LYPD6: variants seen among roughly 807,000 people sequenced by gnomAD.
LYPD6 encodes ly6/PLAUR domain-containing protein 6.
Under a neutral mutation model 22.7 loss-of-function variants are expected in LYPD6, and 15 were observed. The ratio of observed to expected loss-of-function variants is 0.66; its 90% CI spans 0.44 to 1.02. The LOEUF (loss-of-function observed/expected upper bound fraction) is 1.02, where lower values mean the gene tolerates loss of function less well. Ranked by LOEUF, LYPD6 falls within the 50% of genes least tolerant of loss-of-function variation. The probability of loss-of-function intolerance (pLI) is 0.00; values close to 1 mark genes in which losing one functional copy is unlikely to be tolerated. For synonymous variants in LYPD6, 72 were observed against 77.5 expected (o/e 0.93, Z 0.37); for missense variants, 189 against 208.4 (o/e 0.91, Z 0.57).
At position 149,444,319 on chromosome 2, in the gene LYPD6, C is replaced by T. The variant is rs191894253; in HGVS notation, c.119-4730C>T. Among the ~76,000 whole-genome samples, 10 of 152,220 alleles carry T rather than the reference C, an allele frequency of 6.6e-5. No homozygotes were observed. The East Asian group carries it at 1.5e-3, about 23-fold the overall frequency. ...CCTTTAGTGAGTTACAATCTTTTTGCTGGTGGAGGGTCTTGCCTTGATATT... is the reference window on the plus strand; with the variant it reads ...CCTTTAGTGAGTTACAATCTTTTTGTTGGTGGAGGGTCTTGCCTTGATATT... On this transcript the variant is annotated intron_variant, in intron 2 of 4. Coordinates refer to ENST00000334166, the MANE Select transcript of LYPD6 (RefSeq NM_194317.5).
the LYPD6 span, among the ~76,000 whole-genome samples, chr2:149,483,780 G>T: frequency 1.1e-3 from 162 of 152,164 alleles, no homozygotes; most frequent in Non-Finnish European, 1.0e-3. Context: ...ATTAAAAATA[G>T]AATTAAATTT....
chr2:149,369,228 C>T (rs1681748070), intron 1 of LYPD6, among the ~76,000 whole-genome samples: 1 of 152,040 alleles, frequency 6.6e-6, no homozygotes, highest in Non-Finnish European at 1.5e-5. Flanking sequence ...CTAGCTCAAG[C>T]AAAAACACAC....
rs773853015 is a variant in LYPD6 at position 149,433,003 on chromosome 2, A to T, written c.-71-4635A>T. The stretch of plus-strand genomic sequence containing the variant: ...TTAAGATGTTTTGAATATGTAAATG[A>T]ATATTAAAACACTCCTTAAGTCCTA... On this transcript the variant is annotated intron_variant, in intron 1 of 4. Coordinates refer to ENST00000334166, the MANE Select transcript of LYPD6 (RefSeq NM_194317.5). Among the ~76,000 whole-genome samples, 103 of 152,238 alleles carry T rather than the reference A, an allele frequency of 6.8e-4. 1 individual carries two copies. The highest frequency in any genetic ancestry group is 1.3e-3 in the Non-Finnish European group (87 of 68,046).
At chr2:149,397,451 G>A (rs2105104941) in intron 1 of LYPD6, among the ~76,000 whole-genome samples, 1 of 152,254 alleles carries the variant, frequency 6.6e-6, no homozygotes, top group African/African-American at 2.4e-5. Context: ...GCCCAGAACT[G>A]GTGTAGCAGT....
chr2:149,437,873 A>C, intron 2 of LYPD6, 47 bp downstream of exon 2: 1 of 1,604,188 alleles, frequency 6.2e-7, no homozygotes, highest in Non-Finnish European at 8.5e-7. Flanking sequence ...ATTTCAAATA[A>C]GAAGTGGTTC....
rs572459550 is a variant in LYPD6, at chr2:149,373,546, C to T, written c.-72+42824C>T. Among the ~76,000 whole-genome samples the T allele has an allele frequency of 1.4e-4, 21 of 152,054 alleles. 1 individual carries two copies. Among genetic ancestry groups the T allele is most frequent in the Admixed American group, 1.0e-3 (16 of 15,276 alleles). ...GGGAGTACAAGGACAGCAAGGAGAC[C>T]GAGCTGTCCTCGTGTCCAAGGGAAG... is the stretch of plus-strand genomic sequence containing the variant. On this transcript the variant is annotated intron_variant, in intron 1 of 4. Transcript: ENST00000334166.
At chr2:149,407,270 A>G (rs1254462993) in intron 1 of LYPD6, among the ~76,000 whole-genome samples, 2 of 152,098 alleles carry the variant, frequency 1.3e-5, no homozygotes, top group Admixed American at 1.3e-4. Flanking sequence ...CTGAATCTGA[A>G]TTTTGGCCTG....
intron 1 of LYPD6, among the ~76,000 whole-genome samples, chr2:149,391,495 C>G (rs956691587): frequency 6.6e-6 from 1 of 151,818 alleles, no homozygotes; most frequent in South Asian, 2.1e-4. Flanking sequence ...GTTACTGGAG[C>G]TGTGTGATCT....
intron 1 of LYPD6, among the ~76,000 whole-genome samples, chr2:149,374,904 C>T (rs1681884877): frequency 6.6e-6 from 1 of 152,118 alleles, no homozygotes; most frequent in Non-Finnish European, 1.5e-5. Flanking sequence ...CTGGGATGAC[C>T]AGGAAAGAAA....
At chr2:149,381,174 G>T (rs1242776684) in intron 1 of LYPD6, among the ~76,000 whole-genome samples, 7 of 152,290 alleles carry the variant, frequency 4.6e-5, no homozygotes, top group East Asian at 1.9e-4. Flanking sequence ...GAGTTTTACT[G>T]CAAAAGGAAG....
intron 2 of LYPD6, among the ~76,000 whole-genome samples, chr2:149,446,337 C>G (rs929759609): frequency 1.3e-5 from 2 of 152,146 alleles, no homozygotes; most frequent in African/African-American, 4.8e-5. Flanking sequence ...GAAAATGACA[C>G]CGATAGACTT....
intron 1 of LYPD6, among the ~76,000 whole-genome samples, chr2:149,341,502 T>TAAGC (rs1681160907): frequency 6.6e-6 from 1 of 152,160 alleles, no homozygotes; most frequent in Non-Finnish European, 1.5e-5. Flanking sequence ...TTGCATAGAG[T>TAAGC]AAGCCCTCAG....
intron 2 of LYPD6, among the ~76,000 whole-genome samples, chr2:149,441,938 C>T (rs1167947502): frequency 6.6e-6 from 1 of 152,066 alleles, no homozygotes; most frequent in South Asian, 2.1e-4. Flanking sequence ...AGCTGTATTC[C>T]TGTGGGGGCT....
chr2:149,377,325 A>G (rs1379934736), intron 1 of LYPD6, among the ~76,000 whole-genome samples: 1 of 151,094 alleles, frequency 6.6e-6, no homozygotes, highest in African/African-American at 2.4e-5. Context: ...AAAAAAAAAC[A>G]CAACTGCCAA....
intron 1 of LYPD6, among the ~76,000 whole-genome samples, chr2:149,433,889 A>G (rs1240280976): frequency 6.6e-6 from 1 of 152,168 alleles, no homozygotes; most frequent in Admixed American, 6.5e-5. Context: ...CCTTTAATAT[A>G]TCATTAGCAT....
intron 3 of LYPD6, among the ~76,000 whole-genome samples, chr2:149,453,037 C>G (rs1254670110): frequency 6.6e-6 from 1 of 152,220 alleles, no homozygotes; most frequent in East Asian, 1.9e-4. Context: ...AAGATGCTCT[C>G]CATAACTGAC....
intron 3 of LYPD6, among the ~76,000 whole-genome samples, chr2:149,454,924 C>T (rs1245162826): frequency 1.3e-5 from 2 of 152,242 alleles, no homozygotes; most frequent in East Asian, 3.9e-4. Context: ...TCCCAGTCCC[C>T]TTGAGACCGA....
intron 1 of LYPD6, among the ~76,000 whole-genome samples, chr2:149,389,342 C>T (rs988796136): frequency 6.6e-6 from 1 of 152,110 alleles, no homozygotes; most frequent in African/African-American, 2.4e-5. Context: ...TTTGATACTG[C>T]TTCCTTGAAT....
intron 3 of LYPD6, among the ~76,000 whole-genome samples, chr2:149,458,447 G>A (rs1681015718): frequency 6.6e-6 from 1 of 152,062 alleles, no homozygotes; most frequent in African/African-American, 2.4e-5. Context: ...GGCTACATGG[G>A]AAGCATTAAT....
Sources: allele counts gnomAD v4.1 joint callset (sites outside exome capture counted in the v4.1 genomes callset), GRCh38; gene constraint gnomAD v4.1.1; transcripts MANE v1.5; gene names NCBI Gene and HGNC (gene_info 2026-07-23, HGNC 2026-07-21).